Variants in TCF20 observed in about 807,000 individuals in gnomAD.
TCF20 encodes transcription factor 20, also known as SPRE-binding protein.
Under a neutral mutation model 148.6 loss-of-function variants are expected in TCF20, and 3 were observed. The observed-to-expected ratio is 0.02, with a 90% CI of 0.01 to 0.05. TCF20 has a LOEUF of 0.05. TCF20 is among the 10% of genes least tolerant of loss of function. The pLI is 1.00. For synonymous variants in TCF20, 1,049 were observed against 909.5 expected (o/e 1.15, Z -2.76); for missense variants, 2,350 against 2,429.3 (o/e 0.97, Z 0.69).
chr22:42,272,422 TTAGAGTCCCCTG>T (rs747801806), upstream of TCF20, among the ~76,000 whole-genome samples: 5 of 152,210 alleles, frequency 3.3e-5, no homozygotes, highest in Non-Finnish European at 7.3e-5. Context: ...TCCTTTTTCC[TTAGAGTCCCCTG>T]CCCCATCATT....
intron 1 of TCF20, among the ~76,000 whole-genome samples, chr22:42,234,086 A>T (rs1019537218): frequency 1.3e-5 from 2 of 152,244 alleles, no homozygotes; most frequent in Non-Finnish European, 2.9e-5. Flanking sequence ...AAAACCAGTG[A>T]AACAGACACG....
At chr22:42,200,157 A>G (rs1163355923) in intron 2 of TCF20, among the ~76,000 whole-genome samples, 1 of 152,330 alleles carries the variant, frequency 6.6e-6, no homozygotes, top group Non-Finnish European at 1.5e-5. Context: ...AACTGCCTTC[A>G]TATCTAATAT....
chr22:42,209,578 G>T, intron 2 of TCF20, 73 bp downstream of exon 2: 1 of 1,495,082 alleles, frequency 6.7e-7, no homozygotes, highest in African/African-American at 1.4e-5. Context: ...TGACATGTAA[G>T]AACAAAAACA....
intron 1 of TCF20, among the ~76,000 whole-genome samples, chr22:42,318,485 G>T (rs958212641): frequency 3.3e-5 from 5 of 152,218 alleles, no homozygotes; most frequent in East Asian, 1.9e-4. Context: ...TTGGAAGAAG[G>T]GGGGATGGCA....
At chr22:42,220,482 GC>G (rs1922256978) in intron 1 of TCF20, among the ~76,000 whole-genome samples, 1 of 152,182 alleles carries the variant, frequency 6.6e-6, no homozygotes, top group Non-Finnish European at 1.5e-5. Context: ...CAGCCATTGT[GC>G]CTGGCCCCAG....
Position 42,213,940 on chromosome 22 carries a change from A to G in TCF20, c.1366T>C (p.Leu456=). 1 of 1,614,158 alleles carries G rather than the reference A, an allele frequency of 6.2e-7. No homozygotes were observed. Among genetic ancestry groups the G allele is most frequent in the Non-Finnish European group, 8.5e-7 (1 of 1,180,014 alleles). ...GCCACTTGAGTACTCAGAGCACTCA[A>G]ACTACTCAACCCAGGATCTGTCAGT... ...KRLTDPGLSS[L]SALSTQVANL... is the part of the protein sequence containing the mutation. Residue 456 remains leucine, a synonymous_variant, in exon 2 of 6, where the codon TTG becomes CTG. Coordinates refer to ENST00000677622, the MANE Select transcript of TCF20 (RefSeq NM_001378418.1).
intron 1 of TCF20, among the ~76,000 whole-genome samples, chr22:42,243,313 AAAAAAAAAG>A: frequency 7.1e-6 from 1 of 139,882 alleles, no homozygotes; most frequent in Admixed American, 7.0e-5. Flanking sequence ...AAAAAAAAAA[AAAAAAAAAG>A]TCAGGCATGA....
In TCF20 at chr22:42,234,081, C is replaced by G. The variant is rs1230673792; in HGVS notation, c.-36-18740G>C. 7.2e-5 allele frequency among the ~76,000 whole-genome samples: 11 copies of G among 152,116 alleles called. No individual in the cohort carries two copies. The East Asian group carries it at 2.1e-3, about 29-fold the overall frequency. ...ATACATAAACATGGAGACACAAAAC[C>G]AGTGAAACAGACACGTTTAAAATTC... On this transcript the variant is annotated intron_variant, in intron 1 of 5. Coordinates refer to ENST00000677622, the MANE Select transcript of TCF20 (RefSeq NM_001378418.1).
At chr22:42,185,243 G>A (rs1013143682) in intron 2 of TCF20, among the ~76,000 whole-genome samples, 1 of 152,164 alleles carries the variant, frequency 6.6e-6, no homozygotes, top group African/African-American at 2.4e-5. Context: ...TGCCTAAGAC[G>A]GCTCTTATCC....
chr22:42,241,361 G>A (rs1215377258), intron 1 of TCF20, among the ~76,000 whole-genome samples: 1 of 152,128 alleles, frequency 6.6e-6, no homozygotes, highest in South Asian at 2.1e-4. Flanking sequence ...GGAGATATCA[G>A]GAGACTATAA....
chr22:42,205,301 G>C (rs950118057), intron 2 of TCF20, among the ~76,000 whole-genome samples: 2 of 152,118 alleles, frequency 1.3e-5, no homozygotes, highest in Non-Finnish European at 2.9e-5. Flanking sequence ...AAAAAGGAAG[G>C]GAAAAAGGAA....
chr22:42,205,765 C>A (rs1938343665), intron 2 of TCF20, among the ~76,000 whole-genome samples: 1 of 151,996 alleles, frequency 6.6e-6, no homozygotes, highest in African/African-American at 2.4e-5. Context: ...AGACAACAAG[C>A]CTAACTTTTT....
intron 1 of TCF20, among the ~76,000 whole-genome samples, chr22:42,262,548 G>A (rs946909575): frequency 2.6e-5 from 4 of 152,102 alleles, no homozygotes; most frequent in African/African-American, 7.2e-5. Flanking sequence ...GGAGTTGAAG[G>A]CGCTAGAAGA....
At chr22:42,236,474 C>T (rs903099716) in intron 1 of TCF20, among the ~76,000 whole-genome samples, 2 of 152,130 alleles carry the variant, frequency 1.3e-5, no homozygotes, top group African/African-American at 4.8e-5. Flanking sequence ...GCAAGAACTA[C>T]AAGCCACAGG....
chr22:42,225,410 C>T (rs913112135), intron 1 of TCF20, among the ~76,000 whole-genome samples: 4 of 150,780 alleles, frequency 2.7e-5, no homozygotes, highest in South Asian at 2.1e-4. Context: ...GTCAGGAGAT[C>T]GAGACCATCC....
rs143040769 is a variant in TCF20, at chr22:42,211,540, G to A, written c.3766C>T (p.Arg1256Cys). 1 of 1,614,180 alleles carries A rather than the reference G, an allele frequency of 6.2e-7. No individual in the cohort carries two copies. Among genetic ancestry groups the A allele is most frequent in the Non-Finnish European group, 8.5e-7 (1 of 1,180,014 alleles). The stretch of plus-strand genomic sequence containing the variant: ...ATGGGAGAGATAAAAGAACGAACAC[G>A]CCTCCTCATGATTAAGGGGTTTTGA... ...SSQNPLIMRRRVRSFISPIPS... is the reference protein window; with the variant it reads ...SSQNPLIMRRCVRSFISPIPS... Residue 1256 changes from arginine to cysteine, a missense_variant, in exon 2 of 6, where the codon CGT (arginine) becomes TGT (cysteine). Arg to Cys is a radical substitution (Grantham distance 180, BLOSUM62 -3). This residue lies in a region of TCF20 where 1,641 missense variants were observed against 1,662.6 expected (regional missense o/e 0.99). Coordinates refer to ENST00000677622, the MANE Select transcript of TCF20 (RefSeq NM_001378418.1).
intron 1 of TCF20, among the ~76,000 whole-genome samples, chr22:42,282,483 A>C (rs1011896807): frequency 2.0e-5 from 3 of 151,976 alleles, no homozygotes; most frequent in African/African-American, 4.8e-5. Flanking sequence ...CTGTTTGCCA[A>C]CCTCCAGGCC....
chr22:42,179,166 TC>T, intron 3 of TCF20, among the ~76,000 whole-genome samples: 1 of 152,016 alleles, frequency 6.6e-6, no homozygotes, highest in African/African-American at 2.4e-5. Flanking sequence ...GTCTGACAGT[TC>T]CTTAAAAGGT....
intron 1 of TCF20, among the ~76,000 whole-genome samples, chr22:42,313,741 A>T (rs1240376401): frequency 6.6e-6 from 1 of 151,818 alleles, no homozygotes; most frequent in Non-Finnish European, 1.5e-5. Flanking sequence ...CTGGGATTAC[A>T]CAAGTGTGCC....
Sources: gnomAD v4.1 joint callset for allele counts (sites outside exome capture counted in the v4.1 genomes callset) on GRCh38, gnomAD v4.1.1 for gene constraint, gnomAD v4.1.1 regional missense constraint, MANE v1.5 for transcripts, NCBI Gene and HGNC (gene_info 2026-07-23, HGNC 2026-07-21) for gene names.